Variants in SYNE3 observed in about 807,000 individuals in gnomAD.
The protein encoded by SYNE3 is nesprin-3.
A neutral mutation model predicts 111.2 loss-of-function variants in SYNE3; 100 were observed. The observed-to-expected ratio is 0.90, with a 90% CI of 0.77 to 1.06. The LOEUF is 1.06. Among genes scored for constraint, SYNE3 ranks in the 50% least tolerant of loss-of-function variants. The probability of loss-of-function intolerance (pLI) is 0.00; values close to 1 mark genes in which losing one functional copy is unlikely to be tolerated. For missense variants in SYNE3, 1,160 were observed against 1,240.3 expected, an observed-to-expected ratio of 0.94 and a Z score of 0.97; for synonymous variants, 547 against 533.9, an observed-to-expected ratio of 1.02 and a Z score of -0.34.
At chr14:95,464,565 G>C (rs954712254) in intron 4 of SYNE3, among the ~76,000 whole-genome samples, 3 of 152,258 alleles carry the variant, frequency 2.0e-5, no homozygotes, top group Non-Finnish European at 2.9e-5. Context: ...TATGGAGTTG[G>C]GGCCTATTGT....
In SYNE3 at chr14:95,432,094, C is replaced by G. The variant is rs759939118; in HGVS notation, c.2712G>C (p.Pro904=). ...GACACTGTACCTTTTGGAATCCAGT[C>G]GGCTCCCCTGGAGAACTTTGTGTCT... ...HLLTQSSPGE[P]TGFQKTRRWR... Residue 904 remains proline (P), a synonymous_variant, in exon 17 of 18, where the codon CCG becomes CCC. Transcript: ENST00000682763. 1.2e-5 allele frequency: 20 copies of G among 1,612,396 alleles called. No individual in the cohort carries two copies. The highest frequency in any genetic ancestry group is 1.4e-5 in the Non-Finnish European group (17 of 1,179,378).
chr14:95,480,823 C>T (rs925908184), intron 1 of SYNE3, among the ~76,000 whole-genome samples: 8 of 152,220 alleles, frequency 5.3e-5, no homozygotes, highest in African/African-American at 1.9e-4. Flanking sequence ...AGGACAGGCC[C>T]ACACCACGTG....
At chr14:95,449,469 T>C (rs1809544438) in intron 8 of SYNE3, 1 of 985,428 alleles carries the variant, frequency 1.0e-6, no homozygotes, top group African/African-American at 1.7e-5. Flanking sequence ...GGAGCAGCCA[T>C]GCTGGGGCCA....
chr14:95,449,432 G>T (rs767937665), intron 8 of SYNE3: 14 of 985,322 alleles, frequency 1.4e-5, no homozygotes, highest in Non-Finnish European at 1.7e-5. Context: ...GCCAGTTGTT[G>T]TTCATGGGAG....
At chr14:95,465,330 C>T (rs1038809821) in intron 4 of SYNE3, among the ~76,000 whole-genome samples, 16 of 99,950 alleles carry the variant, frequency 1.6e-4, no homozygotes, top group Admixed American at 1.2e-3. Flanking sequence ...GGTATCTGGA[C>T]GGTAGATAAT....
intron 2 of SYNE3, among the ~76,000 whole-genome samples, chr14:95,474,613 G>A (rs1888765345): frequency 1.3e-5 from 2 of 152,244 alleles, no homozygotes; most frequent in South Asian, 2.1e-4. Context: ...TGCAGACAAT[G>A]GCTCCTGCCT....
chr14:95,408,808 A>C lies in SYNE3; in HGVS notation c.*9018T>G. On this transcript the variant is annotated 3_prime_UTR_variant, in exon 18 of 18. Transcript: ENST00000682763. ...AAGCGACTGCCTCCTTGTTTCTCCC[A>C]TGAGAGGAATTGGAACTGCTCAGCA... 2 of 225,952 alleles carry C rather than the reference A, an allele frequency of 8.9e-6. No individual in the cohort carries two copies. Among genetic ancestry groups the C allele is most frequent in the East Asian group, 1.1e-4 (1 of 9,290 alleles). The allele number at this position is 225,952 out of a possible 1,614,324, so 14.0% of individuals were successfully genotyped here.
intron 1 of SYNE3, among the ~76,000 whole-genome samples, chr14:95,483,147 C>T (rs1479023726): frequency 1.3e-5 from 2 of 152,184 alleles, no homozygotes; most frequent in African/African-American, 4.8e-5. Context: ...ACTGTGCCCG[C>T]TCACTCCAGC....
intron 1 of SYNE3, among the ~76,000 whole-genome samples, chr14:95,491,305 C>T (rs1041855613): frequency 6.6e-6 from 1 of 152,042 alleles, no homozygotes; most frequent in Admixed American, 6.6e-5. Flanking sequence ...GGAAGTAGAC[C>T]CGCCCAAGAT....
In SYNE3 at chr14:95,445,773, A is replaced by G; in HGVS notation, c.1632+136T>C. ...CATGAGGAGGCTGAGATGGTCAGGG[A>G]CAAAGGGATACACCCAGGGCCACAC... is the stretch of plus-strand genomic sequence containing the variant. On this transcript the variant is annotated intron_variant, in intron 9 of 17. Transcript: ENST00000682763. 3.3e-6 allele frequency: 3 copies of G among 915,908 alleles called. No homozygotes were observed. In the South Asian group the frequency reaches 4.9e-5, roughly 15 times the overall value. 56.7% of individuals were successfully genotyped at this position (915,908 alleles called of 1,614,324 possible). A position where few individuals can be genotyped will look rare whatever the true frequency, so the allele number is the denominator to read the frequency against.
Position 95,452,332 on chromosome 14 carries a change from C to T in SYNE3, c.1189G>A (p.Ala397Thr), listed in dbSNP as rs1242130977. ...SEEPRVDRLQ[A>T]QLKELIVFPH... Reference sequence around the variant, plus strand: ...AAGACGATGAGCTCCTTCAGCTGGGCTTGCAGCCGGTCCACCCGGGGCTCC... The same window carrying T: ...AAGACGATGAGCTCCTTCAGCTGGGTTTGCAGCCGGTCCACCCGGGGCTCC... Residue 397 changes from alanine (A) to threonine (T), a missense_variant, in exon 7 of 18, where the codon GCC becomes ACC. Transcript: ENST00000682763. 1 of 1,613,862 alleles carries T rather than the reference C, an allele frequency of 6.2e-7. No homozygotes were observed.
Position 95,475,674 on chromosome 14 carries a change from A to C in SYNE3, c.144+4T>G. 1 of 1,544,540 alleles carries C rather than the reference A, an allele frequency of 6.5e-7. No individual in the cohort carries two copies. Among genetic ancestry groups the C allele is most frequent in the Non-Finnish European group, 8.7e-7 (1 of 1,149,734 alleles). ...GGGCCATCTGAGGCCACGCCTCTGCATACCTCGGTCTCCCACAGCCTGGCC... is the reference window on the plus strand; with the variant it reads ...GGGCCATCTGAGGCCACGCCTCTGCCTACCTCGGTCTCCCACAGCCTGGCC... On this transcript the variant is annotated splice_donor_region_variant and intron_variant, in intron 2 of 17. Coordinates refer to ENST00000682763, the MANE Select transcript of SYNE3 (RefSeq NM_152592.6).
intron 1 of SYNE3, among the ~76,000 whole-genome samples, chr14:95,491,617 A>G (rs928800893): frequency 1.3e-5 from 2 of 152,244 alleles, no homozygotes; most frequent in Admixed American, 1.3e-4. Flanking sequence ...AAAGCTACAA[A>G]ACTCTGAAGA....
chr14:95,476,898 T>C (rs1888919390), intron 1 of SYNE3, among the ~76,000 whole-genome samples: 1 of 152,204 alleles, frequency 6.6e-6, no homozygotes, highest in African/African-American at 2.4e-5. Context: ...TGCCTAATTA[T>C]AGGGGATTGC....
chr14:95,467,814 A>T lies in SYNE3; in HGVS notation c.298T>A (p.Tyr100Asn). ...CCCTACCTGTGACAGTGAGTCATGT[A>T]GGTGACTGTCTCCTCCCATTGGGCC... The part of the protein sequence containing the change: ...IKAQWEETVT[Y>N]MTHCHSRIEW... The change falls in exon 3 of 18, where the codon TAC becomes AAC. Residue 100 changes from tyrosine to asparagine, a missense_variant. Physicochemically the swap from Tyr to Asn is moderately radical, Grantham distance 143 (BLOSUM62 -2). Coordinates refer to ENST00000682763, the MANE Select transcript of SYNE3 (RefSeq NM_152592.6). 1 of 1,614,194 alleles carries T rather than the reference A, an allele frequency of 6.2e-7. No individual in the cohort carries two copies. Among genetic ancestry groups the T allele is most frequent in the Non-Finnish European group, 8.5e-7 (1 of 1,180,030 alleles).
intron 11 of SYNE3, among the ~76,000 whole-genome samples, chr14:95,441,744 T>C (rs955311526): frequency 6.6e-6 from 1 of 152,256 alleles, no homozygotes; most frequent in African/African-American, 2.4e-5. Flanking sequence ...ACTGCTAGTT[T>C]ATTGAATGTA....
intron 1 of SYNE3, chr14:95,516,156 A>T (rs949243879): frequency 5.9e-5 from 9 of 152,320 alleles, no homozygotes; most frequent in African/African-American, 1.9e-4. Context: ...CCCAGGCACT[A>T]CTGAGCGCGC....
Position 95,439,941 on chromosome 14 carries a change from A to T in SYNE3, c.2046T>A (p.Asp682Glu). 7 of 1,613,242 alleles carry T rather than the reference A, an allele frequency of 4.3e-6. No homozygotes were observed. The highest frequency in any genetic ancestry group is 5.9e-6 in the Non-Finnish European group (7 of 1,179,632). Reference sequence around the variant, plus strand: ...CAAACTCGGCCTCTTGGGACTCGGCATCCCCCGGGCCCGCCTCTCCCCGGT... The same window carrying T: ...CAAACTCGGCCTCTTGGGACTCGGCTTCCCCCGGGCCCGCCTCTCCCCGGT... Reference protein sequence around the residue: ...EAHRGEAGPGDAESQEAEFER... With the variant: ...EAHRGEAGPGEAESQEAEFER... The change falls in exon 12 of 18, where the codon GAT becomes GAA. Residue 682 changes from aspartate (D) to glutamate (E), a missense_variant. By Grantham distance (45) the Asp-to-Glu change is conservative. Transcript: ENST00000682763.
Position 95,409,605 on chromosome 14 carries a change from T to A in SYNE3, c.*8221A>T, listed in dbSNP as rs1307186656. 2.8e-6 allele frequency: 1 copy of A among 361,264 alleles called. No homozygotes were observed. The highest frequency in any genetic ancestry group is 2.1e-5 in the African/African-American group (1 of 46,828). The allele number at this position is 361,264 out of a possible 1,614,324, so 22.4% of individuals were successfully genotyped here. A position where few individuals can be genotyped will look rare whatever the true frequency, so the allele number is the denominator to read the frequency against. On this transcript the variant is annotated 3_prime_UTR_variant, in exon 18 of 18. Coordinates refer to ENST00000682763, the MANE Select transcript of SYNE3 (RefSeq NM_152592.6). ...CTGGGAGATGCTGAGTCCTGCTGAC[T>A]GTGCTTTAAGGCCCTGAACATCCTG...
Sources: allele counts gnomAD v4.1 joint callset (sites outside exome capture counted in the v4.1 genomes callset), GRCh38; gene constraint gnomAD v4.1.1; transcripts MANE v1.5; gene names NCBI Gene and HGNC (gene_info 2026-07-23, HGNC 2026-07-21).